Variants in VTI1A observed in about 807,000 individuals in gnomAD.
VTI1A encodes the protein vesicle transport through interaction with t-SNAREs homolog 1A.
Under a neutral mutation model 34.9 loss-of-function variants are expected in VTI1A, and 22 were observed. The observed-to-expected ratio is 0.63, with a 90% CI of 0.45 to 0.90. The LOEUF is 0.90. Ranked by LOEUF, VTI1A falls within the 40% of genes least tolerant of loss-of-function variation. VTI1A has a pLI of 0.00. For missense variants in VTI1A, 268 were observed against 275.6 expected (o/e 0.97, Z 0.20); for synonymous variants, 87 against 97.3 (o/e 0.89, Z 0.62).
intron 7 of VTI1A, among the ~76,000 whole-genome samples, chr10:112,804,774 C>T (rs1434241175): frequency 1.3e-5 from 2 of 151,864 alleles, no homozygotes; most frequent in Non-Finnish European, 2.9e-5. Context: ...ACCTGCCAGA[C>T]CTGTCTGTGC....
chr10:112,484,448 G>A (rs1589817770), intron 3 of VTI1A, among the ~76,000 whole-genome samples: 1 of 152,056 alleles, frequency 6.6e-6, no homozygotes, highest in African/African-American at 2.4e-5. Context: ...CCATGTCTAC[G>A]ATTTCATAAC....
intron 7 of VTI1A, among the ~76,000 whole-genome samples, chr10:112,797,635 T>G (rs922028565): frequency 3.9e-5 from 6 of 152,196 alleles, no homozygotes; most frequent in African/African-American, 7.2e-5. Flanking sequence ...ACAGAATTTT[T>G]GGGGATAGGA....
intron 5 of VTI1A, among the ~76,000 whole-genome samples, chr10:112,571,804 A>G (rs1349069939): frequency 6.6e-6 from 1 of 152,228 alleles, no homozygotes; most frequent in Non-Finnish European, 1.5e-5. Flanking sequence ...AATATTACAT[A>G]GCCATAAAAA....
At chr10:112,539,035 A>G (rs757209525) in intron 5 of VTI1A, among the ~76,000 whole-genome samples, 11 of 152,212 alleles carry the variant, frequency 7.2e-5, no homozygotes, top group Non-Finnish European at 1.0e-4. Context: ...TAAATGTTTC[A>G]TGCAATGACT....
At chr10:112,657,827 G>GTGTA (rs1475532692) in intron 5 of VTI1A, among the ~76,000 whole-genome samples, 1 of 152,060 alleles carries the variant, frequency 6.6e-6, no homozygotes, top group African/African-American at 2.4e-5. Context: ...GTGTTTGTGT[G>GTGTA]TGTATATATA....
At chr10:112,683,602 C>T (rs1204922300) in intron 7 of VTI1A, among the ~76,000 whole-genome samples, 1 of 152,100 alleles carries the variant, frequency 6.6e-6, no homozygotes, top group African/African-American at 2.4e-5. Flanking sequence ...CAAGTATTCC[C>T]TTCCAATCTT....
intron 7 of VTI1A, among the ~76,000 whole-genome samples, chr10:112,791,594 G>A (rs936951846): frequency 5.9e-5 from 9 of 152,010 alleles, no homozygotes; most frequent in African/African-American, 1.5e-4. Context: ...CCCAATTGCT[G>A]CCAAGAAAAC....
chr10:112,673,468 G>GCGCACA lies in VTI1A; in HGVS notation c.560+4471_560+4472insGCACAC, dbSNP rs1554938762. 5.0e-3 allele frequency among the ~76,000 whole-genome samples: 765 copies of GCGCACA among 151,666 alleles called. 5 individuals are homozygous for GCGCACA. Among genetic ancestry groups the GCGCACA allele is most frequent in the African/African-American group, 0.017 (717 of 41,442 alleles). On this transcript the variant is annotated intron_variant, in intron 7 of 7. Transcript: ENST00000393077. ...TTCACACACATGCGCGCGTGCGCGC[G>GCGCACA]CACACACACACACACGCACTCAGAT...
intron 3 of VTI1A, among the ~76,000 whole-genome samples, chr10:112,469,076 C>T (rs564591246): frequency 1.3e-5 from 2 of 152,224 alleles, no homozygotes; most frequent in Non-Finnish European, 2.9e-5. Flanking sequence ...ACACAAAATC[C>T]CAGAGTCCTC....
chr10:112,820,405 C>T (rs1853632444), downstream of VTI1A, among the ~76,000 whole-genome samples: 2 of 152,250 alleles, frequency 1.3e-5, no homozygotes, highest in South Asian at 4.1e-4. Context: ...AACTCTCTAA[C>T]TCTAAACTAG....
intron 7 of VTI1A, among the ~76,000 whole-genome samples, chr10:112,697,775 T>G (rs1469014528): frequency 6.6e-6 from 1 of 152,146 alleles, no homozygotes; most frequent in African/African-American, 2.4e-5. Flanking sequence ...ATAGCTTTAC[T>G]GGTTTATTTT....
chr10:112,736,107 GTGTGTA>G (rs1850446156), intron 7 of VTI1A, among the ~76,000 whole-genome samples: 1 of 100,878 alleles, frequency 9.9e-6, no homozygotes, highest in Admixed American at 9.2e-5. Flanking sequence ...ATATATGTGT[GTGTGTA>G]TATATATATA....
rs548134939 is a variant in VTI1A, at chr10:112,659,733, G to A, written c.428-8485G>A. On this transcript the variant is annotated intron_variant, in intron 5 of 7. Transcript: ENST00000393077. Reference sequence around the variant, plus strand: ...CAGACACACACACACACACGCGCACGCGCGTGCATAGGCCCTGCATGGTCT... The same window carrying A: ...CAGACACACACACACACACGCGCACACGCGTGCATAGGCCCTGCATGGTCT... Among the ~76,000 whole-genome samples, 9 of 152,266 alleles carry A rather than the reference G, an allele frequency of 5.9e-5. No homozygotes were observed. In the South Asian group the frequency reaches 1.0e-3, roughly 18 times the overall value.
the VTI1A span, among the ~76,000 whole-genome samples, chr10:112,829,224 C>T: frequency 7.3e-5 from 11 of 149,670 alleles, no homozygotes; most frequent in Non-Finnish European, 1.3e-4. Context: ...GCAGGCAGAC[C>T]ACGAGGTCAG....
chr10:112,457,123 T>C (rs1847559408), intron 1 of VTI1A, among the ~76,000 whole-genome samples: 1 of 152,154 alleles, frequency 6.6e-6, no homozygotes, highest in South Asian at 2.1e-4. Flanking sequence ...GACTGCATAC[T>C]AGAAACCTTG....
intron 7 of VTI1A, among the ~76,000 whole-genome samples, chr10:112,799,948 T>C (rs985019440): frequency 6.7e-5 from 10 of 150,004 alleles, no homozygotes; most frequent in Non-Finnish European, 8.9e-5. Flanking sequence ...GAGAGAGAGT[T>C]CTGATGTTAG....
chr10:112,562,606 G>T lies in VTI1A; in HGVS notation c.427+24276G>T, dbSNP rs183259859. 1.3e-4 allele frequency among the ~76,000 whole-genome samples: 20 copies of T among 151,910 alleles called. 1 individual carries two copies. The East Asian group carries it at 3.1e-3, about 24-fold the overall frequency. On this transcript the variant is annotated intron_variant, in intron 5 of 7. Transcript: ENST00000393077. The stretch of plus-strand genomic sequence containing the variant: ...TTATAACAACATCTGAGTGTCTCTT[G>T]ATTTAGATAGTTTTATCATGGCAAT...
intron 3 of VTI1A, among the ~76,000 whole-genome samples, chr10:112,492,512 A>C (rs572466535): frequency 3.2e-4 from 49 of 152,274 alleles, no homozygotes; most frequent in African/African-American, 1.1e-3. Context: ...CAAATTGGCC[A>C]GGCACAGTGA....
chr10:112,571,756 A>G (rs1852132028), intron 5 of VTI1A, among the ~76,000 whole-genome samples: 1 of 152,190 alleles, frequency 6.6e-6, no homozygotes, highest in South Asian at 2.1e-4. Flanking sequence ...CCAACAATAA[A>G]TTGGATAAAG....
Sources: allele counts gnomAD v4.1 joint callset (sites outside exome capture counted in the v4.1 genomes callset), GRCh38; gene constraint gnomAD v4.1.1; transcripts MANE v1.5; gene names NCBI Gene and HGNC (gene_info 2026-07-23, HGNC 2026-07-21).